OAT: variants seen among roughly 807,000 people sequenced by gnomAD.
The protein encoded by OAT is ornithine aminotransferase.
OAT carries 35 observed loss-of-function variants against 48.4 expected under a neutral mutation model. The observed-to-expected ratio is 0.72, with a 90% CI of 0.55 to 0.96. OAT has a LOEUF of 0.96. Ranked by LOEUF, OAT falls within the 40% of genes least tolerant of loss-of-function variation. OAT has a pLI of 0.00. For missense variants in OAT, 438 were observed against 537.9 expected (o/e 0.81, Z 1.84); for synonymous variants, 182 against 198.4 (o/e 0.92, Z 0.70).
chr10:124,398,219 G>A, intron 9 of OAT, 117 bp from the exon 10 acceptor site: 1 of 1,172,312 alleles, frequency 8.5e-7, no homozygotes, highest in Non-Finnish European at 1.2e-6. Flanking sequence ...GCTCAACTAA[G>A]GGAAGCTTGG....
chr10:124,417,577 G>A (rs1260911025), intron 1 of OAT, among the ~76,000 whole-genome samples: 2 of 152,110 alleles, frequency 1.3e-5, no homozygotes, highest in Admixed American at 1.3e-4. Flanking sequence ...GTGAGCCACC[G>A]TGCCGGGCTA....
chr10:124,412,235 A>G (rs1951779953), intron 1 of OAT, 35 bp from the exon 2 acceptor site: 1 of 1,499,796 alleles, frequency 6.7e-7, no homozygotes, highest in Admixed American at 1.7e-5. Flanking sequence ...TAAGAGTGAG[A>G]ATCCTTGGCT....
chr10:124,405,571 G>T lies in OAT; in HGVS notation c.521-8C>A. ...TACCCCAGAAGTTCCCAGCTACAAA[G>T]GGGAAACAAACAGTGATTATTTCAA... On this transcript the variant is annotated splice_region_variant and splice_polypyrimidine_tract_variant and intron_variant, in intron 4 of 9. Coordinates refer to ENST00000368845, the MANE Select transcript of OAT (RefSeq NM_000274.4). The T allele has an allele frequency of 6.2e-7, 1 of 1,613,482 alleles. No individual in the cohort carries two copies. Among genetic ancestry groups the T allele is most frequent in the South Asian group, 1.1e-5 (1 of 91,038 alleles).
chr10:124,402,789 A>G, intron 7 of OAT, 138 bp downstream of exon 7: 1 of 1,103,440 alleles, frequency 9.1e-7, no homozygotes, highest in Non-Finnish European at 1.4e-6. Flanking sequence ...TATTACAGAT[A>G]TTCCGGGTGG....
intron 1 of OAT, among the ~76,000 whole-genome samples, chr10:124,415,787 T>A (rs1399577249): frequency 1.3e-5 from 2 of 152,066 alleles, no homozygotes; most frequent in Non-Finnish European, 2.9e-5. Context: ...TAAAAGGAGG[T>A]TGAAGTGTCA....
intron 2 of OAT, 58 bp downstream of exon 2, chr10:124,411,915 A>ATT: frequency 6.7e-7 from 1 of 1,497,292 alleles, no homozygotes; most frequent in Non-Finnish European, 9.3e-7. Context: ...TATGGAAGCA[A>ATT]TTTTTTTTTA....
At chr10:124,418,284 G>A (rs1589725218) in intron 1 of OAT, 1 of 152,344 alleles carries the variant, frequency 6.6e-6, no homozygotes, top group Non-Finnish European at 1.5e-5. Flanking sequence ...CGCAGGAGCA[G>A]GCCGGGAGGA....
chr10:124,403,092 T>G lies in OAT; in HGVS notation c.772-37A>C, dbSNP rs373403915. 6 of 1,612,484 alleles carry G rather than the reference T, an allele frequency of 3.7e-6. No individual in the cohort carries two copies. The African/African-American group carries it at 8.0e-5, about 22-fold the overall frequency. On this transcript the variant is annotated intron_variant, in intron 6 of 9. Coordinates refer to ENST00000368845, the MANE Select transcript of OAT (RefSeq NM_000274.4). ...AAAAAATACCCCTATTAGTGATCAC[T>G]TTCGTTTCCACAGGGAAAATAGCCA...
At position 124,408,851 on chromosome 10, in the gene OAT, A is replaced by G. The variant is rs199957428; in HGVS notation, c.314T>C (p.Val105Ala). 76 of 1,613,194 alleles carry G rather than the reference A, an allele frequency of 4.7e-5. No homozygotes were observed. The East Asian group carries it at 1.5e-3, about 33-fold the overall frequency. The change falls in exon 3 of 10, where the codon GTG becomes GCG. Residue 105 changes from valine to alanine, a missense_variant. By Grantham distance (64) the Val-to-Ala change is moderately conservative (BLOSUM62 0). Coordinates refer to ENST00000368845, the MANE Select transcript of OAT (RefSeq NM_000274.4). Reference protein sequence around the residue: ...PKIVNALKSQVDKLTLTSRAF... With the variant: ...PKIVNALKSQADKLTLTSRAF... ...TCTAGATGTTAAGGTCAATTTGTCCACTTGACTCTTCAGAGCATTCACAAT... is the reference window on the plus strand; with the variant it reads ...TCTAGATGTTAAGGTCAATTTGTCCGCTTGACTCTTCAGAGCATTCACAAT...
chr10:124,408,808 T>C lies in OAT; in HGVS notation c.357A>G (p.Val119=), dbSNP rs775229632. Residue 119 remains valine (V), a synonymous_variant, in exon 3 of 10, where the codon GTA becomes GTG. Transcript: ENST00000368845. The part of the protein sequence containing the change: ...TLTSRAFYNN[V]LGEYEEYITK... ...TAATATACTCCTCATATTCACCAAG[T>C]ACGTTATTATAGAAAGCTCTAGATG... 2 of 1,612,520 alleles carry C rather than the reference T, an allele frequency of 1.2e-6. No individual in the cohort carries two copies. Among genetic ancestry groups the C allele is most frequent in the Non-Finnish European group, 1.7e-6 (2 of 1,179,840 alleles).
intron 5 of OAT, among the ~76,000 whole-genome samples, chr10:124,404,129 C>T (rs1951503318): frequency 6.6e-6 from 1 of 152,136 alleles, no homozygotes; most frequent in Non-Finnish European, 1.5e-5. Flanking sequence ...TCCTTTTTTG[C>T]CTCATTCTGT....
chr10:124,403,727 G>T, intron 6 of OAT, 71 bp downstream of exon 6: 1 of 1,600,574 alleles, frequency 6.2e-7, no homozygotes, highest in South Asian at 1.1e-5. Context: ...AGTTGGGGAG[G>T]AGCCCATTCA....
At chr10:124,411,126 C>T (rs1325602408) in intron 2 of OAT, among the ~76,000 whole-genome samples, 17 of 78,294 alleles carry the variant, frequency 2.2e-4, no homozygotes, top group Non-Finnish European at 3.2e-4. Context: ...GGTGACAAAG[C>T]GACATTCCGT....
intron 2 of OAT, among the ~76,000 whole-genome samples, chr10:124,411,157 AAAAAAAAGAAG>A (rs1249682045): frequency 6.9e-6 from 1 of 145,682 alleles, no homozygotes; most frequent in East Asian, 2.0e-4. Context: ...AAAAAAAAAA[AAAAAAAAGAAG>A]AAGAGATGTC....
intron 4 of OAT, chr10:124,406,991 G>A: frequency 1.0e-6 from 1 of 985,316 alleles, no homozygotes; most frequent in Non-Finnish European, 1.2e-6. Flanking sequence ...CAGAGAGGTT[G>A]GGAGTTTGTG....
chr10:124,403,348 G>C, intron 6 of OAT: 1 of 504,230 alleles, frequency 2.0e-6, no homozygotes, highest in East Asian at 3.7e-5. Flanking sequence ...GGCTTTTCTG[G>C]ACCTAACTAC....
chr10:124,410,642 C>CA (rs1213506575), intron 2 of OAT, among the ~76,000 whole-genome samples: 3 of 151,990 alleles, frequency 2.0e-5, no homozygotes, highest in East Asian at 3.9e-4. Flanking sequence ...CTAATCTCTA[C>CA]AAAAAATAAG....
chr10:124,416,060 G>C (rs1047374351), intron 1 of OAT, among the ~76,000 whole-genome samples: 47 of 152,040 alleles, frequency 3.1e-4, no homozygotes, highest in African/African-American at 1.1e-3. Context: ...TGCATAATTA[G>C]CATCCATATT....
At position 124,397,971 on chromosome 10, in the gene OAT, T is replaced by C. The variant is rs138709143; in HGVS notation, c.1291A>G (p.Ile431Val). ...AAAGACAAGATGGTCTTGTTAATAATTTCAATGGACTCTCGAAGCTCATCC... is the reference window on the plus strand; with the variant it reads ...AAAGACAAGATGGTCTTGTTAATAACTTCAATGGACTCTCGAAGCTCATCC... Reference protein sequence around the residue: ...KEDELRESIEIINKTILSF With the variant: ...KEDELRESIEVINKTILSF The change falls in exon 10 of 10, where the codon ATT (isoleucine) becomes GTT (valine). Residue 431 changes from isoleucine to valine, a missense_variant. Transcript: ENST00000368845. 1.9e-5 allele frequency: 30 copies of C among 1,613,878 alleles called. No homozygotes were observed. In the African/African-American group the frequency reaches 3.7e-4, roughly 20 times the overall value.
Sources: allele counts gnomAD v4.1 joint callset (sites outside exome capture counted in the v4.1 genomes callset), GRCh38; gene constraint gnomAD v4.1.1; transcripts MANE v1.5; gene names NCBI Gene and HGNC (gene_info 2026-07-23, HGNC 2026-07-21).